The following NRDC variants were observed in gnomAD, a reference collection of about 807,000 sequenced individuals.
The protein encoded by NRDC is nardilysin.
A neutral mutation model predicts 147.1 loss-of-function variants in NRDC; 54 were observed. The observed-to-expected ratio is 0.37, with a 90% confidence interval of 0.29 to 0.46. The LOEUF (loss-of-function observed/expected upper bound fraction) is 0.46, where lower values mean the gene tolerates loss of function less well. Among genes scored for constraint, NRDC ranks in the 20% least tolerant of loss-of-function variants. The pLI is 1.00. For missense variants in NRDC, 1,082 were observed against 1,370.6 expected (o/e 0.79, Z 3.33); for synonymous variants, 440 against 482.1 (o/e 0.91, Z 1.14).
chr1:51,795,875 A>G (rs1678876362), intron 22 of NRDC, among the ~76,000 whole-genome samples: 1 of 152,012 alleles, frequency 6.6e-6, no homozygotes. Flanking sequence ...TTTCTTAAGC[A>G]CTTCTTTAAA....
At chr1:51,870,254 G>C (rs1683018460) in intron 1 of NRDC, among the ~76,000 whole-genome samples, 1 of 152,200 alleles carries the variant, frequency 6.6e-6, no homozygotes, top group Non-Finnish European at 1.5e-5. Flanking sequence ...AGTGAATTAA[G>C]TGGAAAGCAA....
Position 51,840,222 on chromosome 1 carries a change from G to T in NRDC, c.630+4C>A. ...AATTAGAAGAAAACAGACATGACTC[G>T]CACCTGTTTTTCAGTAGTTTTTTTT... On this transcript the variant is annotated splice_donor_region_variant and intron_variant, in intron 2 of 30. Transcript: ENST00000352171. 1.3e-6 allele frequency: 2 copies of T among 1,587,694 alleles called. No individual in the cohort carries two copies. Among genetic ancestry groups the T allele is most frequent in the East Asian group, 4.5e-5 (2 of 44,540 alleles).
intron 1 of NRDC, among the ~76,000 whole-genome samples, chr1:51,843,998 TCTA>T (rs1197661772): frequency 6.6e-6 from 1 of 152,100 alleles, no homozygotes; most frequent in African/African-American, 2.4e-5. Context: ...TCCTATGCAT[TCTA>T]CTTTCAAAAT....
At chr1:51,866,627 T>C (rs1418217004) in intron 1 of NRDC, among the ~76,000 whole-genome samples, 7 of 152,066 alleles carry the variant, frequency 4.6e-5, no homozygotes, top group Admixed American at 3.9e-4. Flanking sequence ...ATATTAAACA[T>C]TGGTTAACAC....
chr1:51,825,466 G>T, intron 5 of NRDC, 84 bp from the exon 6 acceptor site: 1 of 1,060,314 alleles, frequency 9.4e-7, no homozygotes, highest in Non-Finnish European at 1.4e-6. Context: ...AGAACAGAAA[G>T]CAAGGAATTA....
Position 51,791,652 on chromosome 1 carries a change from G to A in NRDC, c.2886C>T (p.Val962=), listed in dbSNP as rs747045862. ...LRTKQTLGYH[V]YPTCRNTSGI... is the part of the protein sequence containing the mutation. The stretch of plus-strand genomic sequence containing the variant: ...CGGATGTGTTCCTACAGGTAGGGTA[G>A]ACATGGTACCTACAAGCCAGAGAGA... Residue 962 remains valine, a synonymous_variant, in exon 27 of 31, where the codon GTC becomes GTT. Coordinates refer to ENST00000352171, the MANE Select transcript of NRDC (RefSeq NM_001101662.2). 1.9e-6 allele frequency: 3 copies of A among 1,613,508 alleles called. No individual in the cohort carries two copies. The highest frequency in any genetic ancestry group is 1.1e-5 in the South Asian group (1 of 91,058).
Position 51,836,230 on chromosome 1 carries a change from C to CA in NRDC, c.631-19dup. ...GCTGCAGACTGGAGTAATTAGAACA[C>CA]ATACAAATAGTTGAGTCAACCCTAA... On this transcript the variant is annotated intron_variant, in intron 2 of 30. Coordinates refer to ENST00000352171, the MANE Select transcript of NRDC (RefSeq NM_001101662.2). 1 of 1,612,264 alleles carries CA rather than the reference C, an allele frequency of 6.2e-7. No homozygotes were observed. Among genetic ancestry groups the CA allele is most frequent in the Non-Finnish European group, 8.5e-7 (1 of 1,178,392 alleles).
intron 27 of NRDC, among the ~76,000 whole-genome samples, chr1:51,791,337 A>G (rs1265083269): frequency 6.6e-6 from 1 of 152,208 alleles, no homozygotes; most frequent in Non-Finnish European, 1.5e-5. Context: ...CCTGAAGAGA[A>G]GAAACACTGG....
At chr1:51,828,737 GAT>G in intron 4 of NRDC, among the ~76,000 whole-genome samples, 1 of 109,824 alleles carries the variant, frequency 9.1e-6, no homozygotes, top group Non-Finnish European at 1.9e-5. Context: ...TTTTTTTTTG[GAT>G]ATAGTGTCTC....
intron 21 of NRDC, among the ~76,000 whole-genome samples, chr1:51,800,091 C>A (rs979379428): frequency 1.3e-5 from 2 of 152,212 alleles, no homozygotes; most frequent in African/African-American, 4.8e-5. Context: ...CCTCCCACCT[C>A]AGTCTGCCAA....
At chr1:51,798,437 C>T (rs1008708968) in intron 21 of NRDC, 26 bp from the exon 22 acceptor site, 18 of 1,555,688 alleles carry the variant, frequency 1.2e-5, no homozygotes, top group Non-Finnish European at 1.6e-5. Flanking sequence ...AAAAAAAACA[C>T]TCAAAGTTTT....
intron 27 of NRDC, 57 bp downstream of exon 27, chr1:51,791,521 G>A: frequency 7.2e-7 from 1 of 1,387,264 alleles, no homozygotes; most frequent in East Asian, 2.3e-5. Context: ...AACACATGTA[G>A]CCCCTACTCT....
chr1:51,848,884 G>A (rs1322885535), intron 1 of NRDC, among the ~76,000 whole-genome samples: 1 of 152,086 alleles, frequency 6.6e-6, no homozygotes, highest in Non-Finnish European at 1.5e-5. Context: ...CCTTATTGTG[G>A]CTTAGCAAAG....
chr1:51,819,730 C>T, intron 9 of NRDC, 70 bp downstream of exon 9: 1 of 1,215,570 alleles, frequency 8.2e-7, no homozygotes, highest in South Asian at 1.4e-5. Context: ...TGAAAATTGG[C>T]AGCTTCAATT....
chr1:51,820,895 T>A (rs1680180883), intron 8 of NRDC, among the ~76,000 whole-genome samples: 1 of 152,140 alleles, frequency 6.6e-6, no homozygotes, highest in Admixed American at 6.5e-5. Flanking sequence ...AACAAAAAGG[T>A]AGCAGTAATG....
chr1:51,805,826 A>G (rs1269421839), intron 18 of NRDC, among the ~76,000 whole-genome samples: 1 of 152,334 alleles, frequency 6.6e-6, no homozygotes, highest in African/African-American at 2.4e-5. Context: ...TCTTATTAAT[A>G]GCTTCAGTCA....
intron 17 of NRDC, among the ~76,000 whole-genome samples, chr1:51,807,566 G>T (rs547626515): frequency 2.6e-5 from 4 of 152,088 alleles, no homozygotes; most frequent in African/African-American, 9.6e-5. Context: ...AATTAGCTGG[G>T]CATTGTGGTG....
chr1:51,789,726 C>G, intron 29 of NRDC, 69 bp from the exon 30 acceptor site: 1 of 1,087,032 alleles, frequency 9.2e-7, no homozygotes, highest in Non-Finnish European at 1.4e-6. Context: ...AACCCCCAGG[C>G]AGATGTCCCT....
At chr1:51,875,874 C>T (rs1254916009) in intron 1 of NRDC, among the ~76,000 whole-genome samples, 4 of 151,804 alleles carry the variant, frequency 2.6e-5, no homozygotes, top group African/African-American at 4.8e-5. Flanking sequence ...TTTTATGTGT[C>T]TGTGTCCCTC....
Sources: allele counts gnomAD v4.1 joint callset (sites outside exome capture counted in the v4.1 genomes callset), GRCh38; gene constraint gnomAD v4.1.1; transcripts MANE v1.5; gene names NCBI Gene and HGNC (gene_info 2026-07-23, HGNC 2026-07-21).